FGF12: variants seen among roughly 807,000 people sequenced by gnomAD.
FGF12 encodes the protein fibroblast growth factor 12.
In FGF12, 14 loss-of-function variants were observed where a neutral mutation model predicts 23.6. That is an observed-to-expected ratio of 0.59 (90% confidence interval 0.39 to 0.93). The LOEUF (loss-of-function observed/expected upper bound fraction) is 0.93, where lower values mean the gene tolerates loss of function less well. FGF12 is among the 40% of genes least tolerant of loss of function. The pLI is 0.00. For synonymous variants in FGF12, 62 were observed against 77.3 expected (o/e 0.80, Z 1.04); for missense variants, 175 against 217.8 (o/e 0.80, Z 1.24).
At chr3:192,357,613 A>G (rs1447852303) in intron 3 of FGF12, among the ~76,000 whole-genome samples, 1 of 152,114 alleles carries the variant, frequency 6.6e-6, no homozygotes, top group Non-Finnish European at 1.5e-5. Flanking sequence ...ATTGACGGAG[A>G]CGTTCATGCA....
At chr3:192,532,864 A>C (rs1053387422) in intron 2 of FGF12, among the ~76,000 whole-genome samples, 4 of 152,162 alleles carry the variant, frequency 2.6e-5, no homozygotes, top group Admixed American at 1.3e-4. Context: ...TTTAATGCAT[A>C]GTCATTTGGG....
At chr3:192,497,394 T>G (rs1278613473) in intron 2 of FGF12, among the ~76,000 whole-genome samples, 2 of 152,198 alleles carry the variant, frequency 1.3e-5, no homozygotes, top group African/African-American at 2.4e-5. Context: ...AAATGCTGAA[T>G]AGCCTACTAA....
At chr3:192,561,003 G>A (rs1397076598) in intron 2 of FGF12, among the ~76,000 whole-genome samples, 2 of 152,102 alleles carry the variant, frequency 1.3e-5, no homozygotes, top group African/African-American at 4.8e-5. Context: ...TGCTACATGG[G>A]CAAACCTTGA....
intron 2 of FGF12, among the ~76,000 whole-genome samples, chr3:192,404,344 C>A (rs1720879281): frequency 6.6e-6 from 1 of 152,100 alleles, no homozygotes; most frequent in South Asian, 2.1e-4. Flanking sequence ...GCCACTCAGA[C>A]ATTCAGAGAT....
At chr3:192,660,490 C>A (rs1217836497) in intron 2 of FGF12, among the ~76,000 whole-genome samples, 1 of 149,918 alleles carries the variant, frequency 6.7e-6, no homozygotes, top group Non-Finnish European at 1.5e-5. Context: ...TGCACATGTA[C>A]CCTAGAACTT....
chr3:192,575,009 G>A (rs899002135), intron 2 of FGF12, among the ~76,000 whole-genome samples: 2 of 152,200 alleles, frequency 1.3e-5, no homozygotes, highest in Admixed American at 1.3e-4. Context: ...CAGATAAATG[G>A]ATAAACAGAC....
At chr3:192,581,478 GTGTGTGTGTATA>G (rs1560158213) in intron 2 of FGF12, among the ~76,000 whole-genome samples, 9 of 78,268 alleles carry the variant, frequency 1.1e-4, no homozygotes, top group African/African-American at 4.9e-4. Flanking sequence ...ATATATATGT[GTGTGTGTGTATA>G]TATATATATA....
intron 2 of FGF12, among the ~76,000 whole-genome samples, chr3:192,458,048 T>C (rs1416434963): frequency 2.0e-5 from 3 of 152,186 alleles, no homozygotes; most frequent in Non-Finnish European, 4.4e-5. Context: ...CCATGTGGTG[T>C]TGAGCCTGCA....
chr3:192,656,140 G>C (rs1716408720), intron 2 of FGF12, among the ~76,000 whole-genome samples: 1 of 151,388 alleles, frequency 6.6e-6, no homozygotes, highest in South Asian at 2.1e-4. Flanking sequence ...TTAATGTACA[G>C]CCATCCAAAA....
intron 4 of FGF12, among the ~76,000 whole-genome samples, chr3:192,269,759 T>G (rs1234425865): frequency 6.6e-6 from 1 of 152,212 alleles, no homozygotes; most frequent in East Asian, 1.9e-4. Flanking sequence ...TTTAATAATT[T>G]CTATACCATT....
rs529408231 is a variant in FGF12 at position 192,214,890 on chromosome 3, T to C, written c.229-44234A>G. Among the ~76,000 whole-genome samples, 44 of 152,264 alleles carry C rather than the reference T, an allele frequency of 2.9e-4. 1 individual carries two copies. Among genetic ancestry groups the C allele is most frequent in the Non-Finnish European group, 5.1e-4 (35 of 68,044 alleles). On this transcript the variant is annotated intron_variant, in intron 4 of 5. Coordinates refer to ENST00000445105, the MANE Select transcript of FGF12 (RefSeq NM_004113.6). ...GTTACATGAAAACAATTGTTTTAGGTACTCTCACATGTAACCCAGTTGCCT... is the reference window on the plus strand; with the variant it reads ...GTTACATGAAAACAATTGTTTTAGGCACTCTCACATGTAACCCAGTTGCCT...
chr3:192,147,443 T>A (rs559131500), intron 5 of FGF12, among the ~76,000 whole-genome samples: 1 of 152,190 alleles, frequency 6.6e-6, no homozygotes, highest in African/African-American at 2.4e-5. Flanking sequence ...CTATTCTGAA[T>A]GTACATGGTA....
intron 2 of FGF12, among the ~76,000 whole-genome samples, chr3:192,651,970 G>A (rs1716228436): frequency 6.6e-6 from 1 of 152,162 alleles, no homozygotes; most frequent in Admixed American, 6.5e-5. Context: ...TGCAGAGGAT[G>A]TGGCTAAGTG....
At chr3:192,352,188 C>T (rs1335913351) in intron 3 of FGF12, among the ~76,000 whole-genome samples, 2 of 151,742 alleles carry the variant, frequency 1.3e-5, no homozygotes, top group South Asian at 2.1e-4. Flanking sequence ...TCAGTGTCTA[C>T]AGACCTCTGC....
At chr3:192,299,042 C>T (rs533691549) in intron 4 of FGF12, among the ~76,000 whole-genome samples, 40 of 152,338 alleles carry the variant, frequency 2.6e-4, no homozygotes, top group African/African-American at 9.1e-4. Flanking sequence ...ACACCTCCCA[C>T]CAGGCCCCGC....
intron 2 of FGF12, among the ~76,000 whole-genome samples, chr3:192,481,286 T>C (rs981565303): frequency 1.3e-5 from 2 of 151,992 alleles, no homozygotes; most frequent in African/African-American, 4.8e-5. Context: ...AAAAAGAGCA[T>C]AAATAGCTTG....
chr3:192,639,476 C>T, intron 2 of FGF12, among the ~76,000 whole-genome samples: 1 of 152,236 alleles, frequency 6.6e-6, no homozygotes, highest in East Asian at 1.9e-4. Context: ...AATGAACTCA[C>T]CACCTTGTAA....
At chr3:192,279,116 A>G (rs936148291) in intron 4 of FGF12, among the ~76,000 whole-genome samples, 5 of 152,042 alleles carry the variant, frequency 3.3e-5, no homozygotes, top group African/African-American at 9.7e-5. Flanking sequence ...GATGAGTTTC[A>G]TCCATGGACA....
At chr3:192,443,152 A>T (rs1484619306) in intron 2 of FGF12, among the ~76,000 whole-genome samples, 2 of 152,124 alleles carry the variant, frequency 1.3e-5, no homozygotes, top group Admixed American at 1.3e-4. Flanking sequence ...AAGCTGAAAG[A>T]AGGAGTTTTA....
Sources: gnomAD v4.1 joint callset for allele counts (sites outside exome capture counted in the v4.1 genomes callset) on GRCh38, gnomAD v4.1.1 for gene constraint, MANE v1.5 for transcripts, NCBI Gene and HGNC (gene_info 2026-07-23, HGNC 2026-07-21) for gene names.